The following EXOC4 variants were observed in gnomAD, a reference collection of about 807,000 sequenced individuals.
EXOC4 encodes SEC8-like 1.
In EXOC4, 71 loss-of-function variants were observed where a neutral mutation model predicts 107.2. The ratio of observed to expected loss-of-function variants is 0.66; its 90% confidence interval spans 0.55 to 0.81. EXOC4 has a LOEUF of 0.81. Ranked by LOEUF, EXOC4 falls within the 30% of genes least tolerant of loss-of-function variation. The probability of loss-of-function intolerance (pLI) is 0.00; values close to 1 mark genes in which losing one functional copy is unlikely to be tolerated. For missense variants in EXOC4, 1,108 were observed against 1,189.6 expected (o/e 0.93, Z 1.01); for synonymous variants, 456 against 441.2 (o/e 1.03, Z -0.42).
intron 10 of EXOC4, among the ~76,000 whole-genome samples, chr7:133,636,226 C>T (rs62470056): frequency 0.41 from 14,478 of 35,274 alleles, 777 homozygotes; most frequent in South Asian, 0.52. Context: ...AATACTATAC[C>T]TCATTTCTTT....
At chr7:133,446,679 T>C (rs113575516) in intron 7 of EXOC4, among the ~76,000 whole-genome samples, 204 of 152,344 alleles carry the variant, frequency 1.3e-3, no homozygotes, top group African/African-American at 4.8e-3. Context: ...TTAAAAAATA[T>C]ACTTTTAATG....
At chr7:133,971,357 TATATAGAGAGAGAGAGAG>T (rs1365264365) in intron 14 of EXOC4, among the ~76,000 whole-genome samples, 1 of 100,552 alleles carries the variant, frequency 9.9e-6, no homozygotes, top group Non-Finnish European at 1.9e-5. Context: ...TATATATATA[TATATAGAGAGAGAGAGAG>T]AGAGAGAGAG....
At chr7:133,844,708 A>G (rs1051888648) in intron 11 of EXOC4, among the ~76,000 whole-genome samples, 1 of 152,018 alleles carries the variant, frequency 6.6e-6, no homozygotes, top group Non-Finnish European at 1.5e-5. Context: ...TGGAGTACCT[A>G]CTGCTCATTG....
chr7:133,697,284 A>G (rs1365500289), intron 10 of EXOC4, among the ~76,000 whole-genome samples: 1 of 152,170 alleles, frequency 6.6e-6, no homozygotes, highest in East Asian at 1.9e-4. Flanking sequence ...TCTATTCACA[A>G]GAAAAAAATA....
intron 10 of EXOC4, among the ~76,000 whole-genome samples, chr7:133,757,821 A>G (rs893750326): frequency 6.6e-6 from 1 of 152,232 alleles, no homozygotes; most frequent in Non-Finnish European, 1.5e-5. Flanking sequence ...CCTATGAGAT[A>G]GTTACCTTAC....
intron 16 of EXOC4, among the ~76,000 whole-genome samples, chr7:134,006,246 C>G (rs955535764): frequency 4.6e-5 from 7 of 151,868 alleles, no homozygotes. Context: ...AAACAGCATA[C>G]CCCTTCATTG....
At chr7:133,581,810 GA>G (rs1212665392) in intron 9 of EXOC4, among the ~76,000 whole-genome samples, 7 of 149,882 alleles carry the variant, frequency 4.7e-5, no homozygotes, top group African/African-American at 7.4e-5. Flanking sequence ...ATTTATAAAG[GA>G]AAAAGGTTTA....
rs1163259405 is a variant in EXOC4, at chr7:133,787,963, TTATATA to T, written c.1515-29318_1515-29313del. 6.2e-3 allele frequency among the ~76,000 whole-genome samples: 253 copies of T among 40,938 alleles called. 7 individuals are homozygous for T. Among genetic ancestry groups the T allele is most frequent in the East Asian group, 0.023 (14 of 622 alleles). 26.9% of individuals were successfully genotyped at this position (40,938 alleles called of 152,430 possible). A position where few individuals can be genotyped will look rare whatever the true frequency, so the allele number is the denominator to read the frequency against. On this transcript the variant is annotated intron_variant, in intron 10 of 17. Coordinates refer to ENST00000253861, the MANE Select transcript of EXOC4 (RefSeq NM_021807.4). ...CTTCCCTGTGCATATATTTATATAT[TTATATA>T]TATATATATATATATATATATATAT... is the stretch of plus-strand genomic sequence containing the variant.
At chr7:133,557,424 CCATATGCATTCTGTTAA>C in intron 9 of EXOC4, among the ~76,000 whole-genome samples, 1 of 152,024 alleles carries the variant, frequency 6.6e-6, no homozygotes, top group Non-Finnish European at 1.5e-5. Context: ...ATGGTATATG[CCATATGCATTCTGTTAA>C]TGGCCTAGGG....
chr7:133,271,206 C>T (rs1333534738), intron 1 of EXOC4, among the ~76,000 whole-genome samples: 1 of 152,162 alleles, frequency 6.6e-6, no homozygotes, highest in Admixed American at 6.5e-5. Context: ...GTATGAACCA[C>T]TGCGCCTGGC....
chr7:133,471,740 A>AT (rs1330462192), intron 7 of EXOC4, among the ~76,000 whole-genome samples: 2 of 152,038 alleles, frequency 1.3e-5, no homozygotes, highest in African/African-American at 2.4e-5. Context: ...AATTTGTTGT[A>AT]TTTTTTTGAT....
chr7:133,625,642 C>A (rs1369242525), intron 9 of EXOC4, among the ~76,000 whole-genome samples: 1 of 152,114 alleles, frequency 6.6e-6, no homozygotes, highest in Non-Finnish European at 1.5e-5. Context: ...AAGAAGGGAC[C>A]AGCCTATGAA....
intron 10 of EXOC4, among the ~76,000 whole-genome samples, chr7:133,721,707 A>G (rs1284634821): frequency 6.6e-6 from 1 of 152,174 alleles, no homozygotes; most frequent in Non-Finnish European, 1.5e-5. Context: ...GTTGGGAGAC[A>G]ATGCTCCATG....
At chr7:133,761,598 C>T (rs1022223835) in intron 10 of EXOC4, among the ~76,000 whole-genome samples, 1 of 152,170 alleles carries the variant, frequency 6.6e-6, no homozygotes, top group African/African-American at 2.4e-5. Context: ...GCTTTGGCAA[C>T]AGACCTAGGG....
intron 9 of EXOC4, among the ~76,000 whole-genome samples, chr7:133,533,741 TTATAGAAAC>T (rs1181649722): frequency 2.2e-4 from 33 of 152,150 alleles, no homozygotes; most frequent in Non-Finnish European, 2.9e-5. Context: ...TAATTTTGTT[TTATAGAAAC>T]TATAGTATGA....
intron 11 of EXOC4, among the ~76,000 whole-genome samples, chr7:133,885,561 G>A (rs1248082270): frequency 6.6e-6 from 1 of 152,208 alleles, no homozygotes; most frequent in African/African-American, 2.4e-5. Flanking sequence ...CCTAGTGGAA[G>A]AGATAGCCAA....
At chr7:133,946,422 C>T (rs890071172) in intron 14 of EXOC4, among the ~76,000 whole-genome samples, 3 of 152,204 alleles carry the variant, frequency 2.0e-5, no homozygotes, top group African/African-American at 7.2e-5. Context: ...TTGAGCCTTT[C>T]TCTCTTTTAA....
chr7:133,605,978 A>G (rs551631683), intron 9 of EXOC4, among the ~76,000 whole-genome samples: 107 of 152,256 alleles, frequency 7.0e-4, no homozygotes, highest in African/African-American at 2.3e-3. Context: ...AGGTCCTGGA[A>G]GCTAAGTGAG....
intron 9 of EXOC4, among the ~76,000 whole-genome samples, chr7:133,554,798 G>A (rs146319900): frequency 1.3e-5 from 2 of 152,158 alleles, no homozygotes; most frequent in African/African-American, 4.8e-5. Flanking sequence ...CAACTAGACT[G>A]TGAGATCCTT....
Sources: allele counts gnomAD v4.1 joint callset (sites outside exome capture counted in the v4.1 genomes callset), GRCh38; gene constraint gnomAD v4.1.1; transcripts MANE v1.5; gene names NCBI Gene and HGNC (gene_info 2026-07-23, HGNC 2026-07-21).